FMO5: variants seen among roughly 807,000 people sequenced by gnomAD.
The protein encoded by FMO5 is flavin containing dimethylaniline monoxygenase 5, also known as flavin-containing monooxygenase 5.
In FMO5, 51 loss-of-function variants were observed where a neutral mutation model predicts 43.6. That is an observed-to-expected ratio of 1.17 (90% CI 0.93 to 1.48). The LOEUF is 1.48. Among genes scored for constraint, FMO5 ranks in the 40% most tolerant of loss-of-function variants. The pLI, the probability that FMO5 is intolerant of heterozygous loss-of-function variation, is 0.00. For missense variants in FMO5, 644 were observed against 643.0 expected (o/e 1.00, Z -0.02); for synonymous variants, 187 against 216.5 (o/e 0.86, Z 1.20).
At chr1:147,196,345 T>A (rs1247717669) in intron 7 of FMO5, among the ~76,000 whole-genome samples, 5 of 152,078 alleles carry the variant, frequency 3.3e-5, no homozygotes, top group African/African-American at 1.2e-4. Flanking sequence ...TAATCATAGG[T>A]CTCTTCGGAT....
At position 147,199,338 on chromosome 1, in the gene FMO5, A is replaced by G. The variant is rs144758472; in HGVS notation, c.1183+1814T>C. On this transcript the variant is annotated intron_variant, in intron 7 of 8. Transcript: ENST00000254090. ...AATGTGGGAGGCAGACAGATTGGCCATGGACAGAATAAAAAACCCAGAGTT... is the reference window on the plus strand; with the variant it reads ...AATGTGGGAGGCAGACAGATTGGCCGTGGACAGAATAAAAAACCCAGAGTT... Among the ~76,000 whole-genome samples the G allele has an allele frequency of 3.0e-3, 461 of 152,298 alleles. 4 individuals are homozygous for G. Among genetic ancestry groups the G allele is most frequent in the African/African-American group, 0.011 (441 of 41,562 alleles).
chr1:147,226,269 C>T (rs922960641), upstream of FMO5, among the ~76,000 whole-genome samples: 1 of 151,234 alleles, frequency 6.6e-6, no homozygotes, highest in South Asian at 2.1e-4. Context: ...CTCCCCTCCT[C>T]ACAATCTGGA....
rs587648363 is a variant in FMO5 at position 147,217,223 on chromosome 1, G to A, written c.136-1281C>T. On this transcript the variant is annotated intron_variant, in intron 2 of 8. Transcript: ENST00000254090. ...CATTGCACTCCAGCCTGGGCAACAA[G>A]AGCAAAACTCCGTCTACAAAAAAAA... Among the ~76,000 whole-genome samples the A allele has an allele frequency of 1.2e-3, 171 of 142,334 alleles. 1 individual carries two copies. The highest frequency in any genetic ancestry group is 4.2e-3 in the African/African-American group (157 of 37,674). 93.4% of individuals were successfully genotyped at this position (142,334 alleles called of 152,430 possible).
At chr1:147,208,231 A>G (rs1167280401) in intron 6 of FMO5, among the ~76,000 whole-genome samples, 2 of 152,062 alleles carry the variant, frequency 1.3e-5, no homozygotes, top group South Asian at 2.1e-4. Flanking sequence ...ACAGGTACTC[A>G]ATGAGTAAAT....
At position 147,186,920 on chromosome 1, in the gene FMO5, T is replaced by A. The variant is rs1341706049; in HGVS notation, c.1582A>T (p.Ile528Leu). The change falls in exon 9 of 9, where the codon ATA becomes TTA. Residue 528 changes from isoleucine to leucine, a missense_variant. By Grantham distance (5) the Ile-to-Leu change is conservative (BLOSUM62 2). Transcript: ENST00000254090. ...GACAACTAGAAGTAAGCTATAATTA[T>A]AGCAAAGAAGGCAAGAGCTAGCATA... is the stretch of plus-strand genomic sequence containing the variant. ...KFMLALAFFA[I>L]IIAYF 1 of 1,613,774 alleles carries A rather than the reference T, an allele frequency of 6.2e-7. No homozygotes were observed. Among genetic ancestry groups the A allele is most frequent in the Admixed American group, 1.7e-5 (1 of 60,006 alleles).
downstream of FMO5, chr1:147,184,375 C>A: frequency 9.0e-7 from 1 of 1,108,214 alleles, no homozygotes; most frequent in Non-Finnish European, 1.2e-6. This position sits in a 1 kb window ranked among gnomAD's most constrained non-coding sequence, Gnocchi z 4.4. Flanking sequence ...AACTAATAAA[C>A]CAATATTGAT....
intron 7 of FMO5, among the ~76,000 whole-genome samples, chr1:147,193,350 G>T (rs1304247000): frequency 6.6e-6 from 1 of 152,040 alleles, no homozygotes; most frequent in Non-Finnish European, 1.5e-5. Flanking sequence ...GGGATCGGTG[G>T]TGATATCCCC....
chr1:147,193,145 C>T (rs1324006749), intron 7 of FMO5, among the ~76,000 whole-genome samples: 5 of 152,000 alleles, frequency 3.3e-5, no homozygotes, highest in South Asian at 2.1e-4. Flanking sequence ...GTCCTGGACT[C>T]TTTTTGGTTG....
intron 7 of FMO5, among the ~76,000 whole-genome samples, chr1:147,191,914 C>G (rs1656916781): frequency 6.6e-6 from 1 of 152,024 alleles, no homozygotes. Flanking sequence ...GTTACTGTAG[C>G]CTTGTAGTAT....
intron 6 of FMO5, among the ~76,000 whole-genome samples, chr1:147,202,785 T>C (rs1659262546): frequency 6.6e-6 from 1 of 152,172 alleles, no homozygotes; most frequent in African/African-American, 2.4e-5. Context: ...TGATTTCATC[T>C]TTTTCTCCAA....
chr1:147,209,093 C>G, intron 5 of FMO5, 42 bp from the exon 6 acceptor site: 1 of 1,553,948 alleles, frequency 6.4e-7, no homozygotes, highest in Non-Finnish European at 8.8e-7. Context: ...CACTCAGATT[C>G]GTAAACCTTC....
At chr1:147,219,011 C>T (rs587655845) in intron 2 of FMO5, among the ~76,000 whole-genome samples, 85 of 152,176 alleles carry the variant, frequency 5.6e-4, no homozygotes, top group Admixed American at 2.0e-3. Flanking sequence ...GTGAGAAACC[C>T]GAGAGTAGCC....
chr1:147,201,445 A>C lies in FMO5; in HGVS notation c.890T>G (p.Leu297Trp). 2 of 1,614,102 alleles carry C rather than the reference A, an allele frequency of 1.2e-6. No homozygotes were observed. Among genetic ancestry groups the C allele is most frequent in the Non-Finnish European group, 1.7e-6 (2 of 1,180,004 alleles). Reference protein sequence around the residue: ...DDLPNRIISGLVKVKGNVKEF... With the variant: ...DDLPNRIISGWVKVKGNVKEF... ...CTTCACATTTCCTTTCACTTTCACC[A>C]AGCCAGAAATGATACGATTTGGCAG... Residue 297 changes from leucine (L) to tryptophan (W), a missense_variant, in exon 7 of 9, where the codon TTG (leucine) becomes TGG (tryptophan). Transcript: ENST00000254090.
chr1:147,224,156 T>C (rs1181487180), intron 2 of FMO5: 2 of 294,292 alleles, frequency 6.8e-6, no homozygotes, highest in Non-Finnish European at 1.3e-5. Context: ...CTGCACGACG[T>C]TGCCTTCACA....
chr1:147,198,166 G>A (rs1348769112), intron 7 of FMO5, among the ~76,000 whole-genome samples: 1 of 152,142 alleles, frequency 6.6e-6, no homozygotes, highest in African/African-American at 2.4e-5. Context: ...CTGGAAATTG[G>A]CTAAGGTAGC....
chr1:147,199,492 T>C (rs17355830), intron 7 of FMO5, among the ~76,000 whole-genome samples: 2,306 of 152,312 alleles, frequency 0.015, 33 homozygotes, highest in South Asian at 0.058. Flanking sequence ...ACATTTTCCC[T>C]AAGATCCCAT....
chr1:147,212,638 C>A (rs782595643), intron 4 of FMO5, 103 bp from the exon 5 acceptor site: 1 of 1,080,704 alleles, frequency 9.3e-7, no homozygotes, highest in Non-Finnish European at 1.3e-6. Context: ...AGCATATATT[C>A]TCCAAGTGTT....
intron 8 of FMO5, 113 bp downstream of exon 8, chr1:147,190,064 A>G: frequency 1.5e-6 from 1 of 668,498 alleles, no homozygotes; most frequent in Middle Eastern, 3.6e-4. Flanking sequence ...TTTTCTTCAT[A>G]ATAGAATCTA....
At chr1:147,204,504 A>G in intron 6 of FMO5, 2 of 1,555,900 alleles carry the variant, frequency 1.3e-6, no homozygotes, top group South Asian at 2.2e-5. Flanking sequence ...CCAAATTAGG[A>G]AGAATCTCAT....
Sources: allele counts gnomAD v4.1 joint callset (sites outside exome capture counted in the v4.1 genomes callset), GRCh38; gene constraint gnomAD v4.1.1; non-coding constraint Gnocchi (gnomAD v3.1); transcripts MANE v1.5; gene names NCBI Gene and HGNC (gene_info 2026-07-23, HGNC 2026-07-21).